The following CRB1 variants were observed in gnomAD, a reference collection of about 807,000 sequenced individuals.
The protein encoded by CRB1 is protein crumbs homolog 1.
Under a neutral mutation model 120.0 loss-of-function variants are expected in CRB1, and 83 were observed. That is an observed-to-expected ratio of 0.69 (90% CI 0.58 to 0.83). The LOEUF is 0.83. CRB1 is among the 40% of genes least tolerant of loss of function. The probability of loss-of-function intolerance (pLI) is 0.00; values close to 1 mark genes in which losing one functional copy is unlikely to be tolerated. For synonymous variants in CRB1, 625 were observed against 612.5 expected, an observed-to-expected ratio of 1.02 and a Z score of -0.30; for missense variants, 1,699 against 1,687.6, an observed-to-expected ratio of 1.01 and a Z score of -0.12.
chr1:197,214,730 T>C, the CRB1 span, among the ~76,000 whole-genome samples: 33 of 152,160 alleles, frequency 2.2e-4, no homozygotes, highest in African/African-American at 8.0e-4. Flanking sequence ...GAGCTTTTAC[T>C]AGTAAATACT....
At chr1:197,298,159 C>G (rs1452943795) in intron 1 of CRB1, among the ~76,000 whole-genome samples, 2 of 152,052 alleles carry the variant, frequency 1.3e-5, no homozygotes, top group Admixed American at 6.6e-5. Context: ...TGTGAACATG[C>G]TTACATACTT....
At chr1:197,477,596 T>TC in intron 11 of CRB1, 68 bp from the exon 12 acceptor site, 1 of 1,459,826 alleles carries the variant, frequency 6.9e-7, no homozygotes, top group Non-Finnish European at 9.6e-7. Context: ...CCTGAGTAGT[T>TC]CCATTGTCCT....
intron 5 of CRB1, among the ~76,000 whole-genome samples, chr1:197,359,033 T>A (rs904452207): frequency 2.6e-5 from 4 of 152,208 alleles, no homozygotes; most frequent in Non-Finnish European, 5.9e-5. Context: ...ATTTTGTTTT[T>A]AAATAACTTT....
intron 5 of CRB1, chr1:197,360,458 C>G (rs991478301): frequency 6.6e-5 from 10 of 152,158 alleles, no homozygotes; most frequent in African/African-American, 2.4e-4. Flanking sequence ...ACATAGCTGA[C>G]CTTGCTCTGT....
the CRB1 span, among the ~76,000 whole-genome samples, chr1:197,228,394 A>T: frequency 6.6e-6 from 1 of 152,158 alleles, no homozygotes; most frequent in African/African-American, 2.4e-5. Context: ...ACCTTAAATC[A>T]TCTCTCTCAA....
intron 11 of CRB1, 168 bp downstream of exon 11, chr1:197,442,460 A>G: frequency 6.5e-7 from 1 of 1,537,916 alleles, no homozygotes. Flanking sequence ...AAGCCATTGA[A>G]TTTCAAGAAA....
chr1:197,270,037 T>A (rs1045510223), intron 1 of CRB1, among the ~76,000 whole-genome samples: 2 of 152,218 alleles, frequency 1.3e-5, no homozygotes, highest in Non-Finnish European at 2.9e-5. Context: ...ATAATCATAT[T>A]GCTTTCCCAA....
the CRB1 span, among the ~76,000 whole-genome samples, chr1:197,235,582 A>G: frequency 1.3e-5 from 2 of 152,118 alleles, no homozygotes; most frequent in African/African-American, 2.4e-5. Flanking sequence ...GAGTGAGACT[A>G]TCCTAAATTA....
chr1:197,277,541 C>T (rs1655281394), intron 1 of CRB1, among the ~76,000 whole-genome samples: 1 of 151,944 alleles, frequency 6.6e-6, no homozygotes, highest in South Asian at 2.1e-4. Flanking sequence ...ATTAACTCAA[C>T]AAATTAAGCA....
chr1:197,446,462 T>C (rs1455085619), intron 11 of CRB1, among the ~76,000 whole-genome samples: 2 of 152,128 alleles, frequency 1.3e-5, no homozygotes, highest in South Asian at 4.1e-4. Context: ...TGCTGAAAGA[T>C]GGGGCTGTCG....
At chr1:197,455,465 T>C (rs1373128369) in intron 11 of CRB1, among the ~76,000 whole-genome samples, 2 of 152,182 alleles carry the variant, frequency 1.3e-5, no homozygotes, top group East Asian at 3.8e-4. Context: ...TTGTCTTGTT[T>C]AACATGACAT....
At chr1:197,304,129 A>G (rs993177240) in intron 1 of CRB1, among the ~76,000 whole-genome samples, 4 of 152,212 alleles carry the variant, frequency 2.6e-5, no homozygotes, top group Non-Finnish European at 5.9e-5. Context: ...TGGTAATACT[A>G]TTGGTGGATC....
chr1:197,428,947 A>C, intron 7 of CRB1: 1 of 1,518,882 alleles, frequency 6.6e-7, no homozygotes, highest in Non-Finnish European at 8.8e-7. Context: ...TGAGAACTCA[A>C]ATAATAATAC....
chr1:197,467,357 A>ATTGCAGATG (rs1666794653), intron 11 of CRB1, among the ~76,000 whole-genome samples: 1 of 152,030 alleles, frequency 6.6e-6, no homozygotes, highest in Non-Finnish European at 1.5e-5. Flanking sequence ...TAGAAAGTAG[A>ATTGCAGATG]TTGCAGATGT....
intron 1 of CRB1, among the ~76,000 whole-genome samples, chr1:197,288,605 T>A (rs891342144): frequency 6.6e-6 from 1 of 151,826 alleles, no homozygotes; most frequent in African/African-American, 2.4e-5. Context: ...GTATTCCAGA[T>A]GTTCAAAAAG....
the CRB1 span, among the ~76,000 whole-genome samples, chr1:197,212,690 G>A: frequency 6.6e-6 from 1 of 151,914 alleles, no homozygotes; most frequent in East Asian, 1.9e-4. Context: ...GTTTCATCAG[G>A]GTGTACATAT....
intron 8 of CRB1, among the ~76,000 whole-genome samples, chr1:197,431,464 A>G (rs938364120): frequency 1.3e-5 from 2 of 152,212 alleles, no homozygotes; most frequent in African/African-American, 4.8e-5. Context: ...ATTCTAAAAT[A>G]ATTTCTTAAT....
chr1:197,319,271 A>AAAAAAAAAAAAT (rs1658038638), intron 1 of CRB1, among the ~76,000 whole-genome samples: 1 of 138,826 alleles, frequency 7.2e-6, no homozygotes, highest in Non-Finnish European at 1.6e-5. Flanking sequence ...AAAAAAAAAA[A>AAAAAAAAAAAAT]AAAAAAATTA....
chr1:197,401,905 T>C (rs1377360641), intron 5 of CRB1, among the ~76,000 whole-genome samples: 1 of 151,998 alleles, frequency 6.6e-6, no homozygotes, highest in East Asian at 1.9e-4. Context: ...ATTTTGATAT[T>C]CTTTTGGCAT....
Sources: allele counts gnomAD v4.1 joint callset (sites outside exome capture counted in the v4.1 genomes callset), GRCh38; gene constraint gnomAD v4.1.1; transcripts MANE v1.5; gene names NCBI Gene and HGNC (gene_info 2026-07-23, HGNC 2026-07-21).